The following PUS7L variants were observed in gnomAD, a reference collection of about 807,000 sequenced individuals.
The protein encoded by PUS7L is pseudouridylate synthase PUS7L.
In PUS7L, 49 loss-of-function variants were observed where a neutral mutation model predicts 51.1. That is an observed-to-expected ratio of 0.96 (90% confidence interval 0.76 to 1.22). PUS7L has a LOEUF of 1.22. PUS7L is among the 50% of genes most tolerant of loss of function. The pLI, the probability that PUS7L is intolerant of heterozygous loss-of-function variation, is 0.00. For missense variants in PUS7L, 828 were observed against 820.6 expected (o/e 1.01, Z -0.11); for synonymous variants, 277 against 276.2 (o/e 1.00, Z -0.03).
chr12:43,742,906 C>A (rs1320845669), intron 4 of PUS7L, among the ~76,000 whole-genome samples: 1 of 152,200 alleles, frequency 6.6e-6, no homozygotes, highest in Non-Finnish European at 1.5e-5. Context: ...CTGATCCCTA[C>A]TCTGATGCTC....
At position 43,755,254 on chromosome 12, in the gene PUS7L, A is replaced by C; in HGVS notation, c.-9T>G. 6.4e-7 allele frequency: 1 copy of C among 1,553,814 alleles called. No homozygotes were observed. Among genetic ancestry groups the C allele is most frequent in the South Asian group, 1.2e-5 (1 of 81,318 alleles). ...TCTGTATCTTCTTCCATTCTTCTAT[A>C]ACAGTGCCTAGAAAACAAAACAAAG... On this transcript the variant is annotated 5_prime_UTR_variant, in exon 2 of 9. Transcript: ENST00000344862.
intron 6 of PUS7L, chr12:43,737,968 T>C (rs1410191143): frequency 4.9e-6 from 1 of 202,858 alleles, no homozygotes; most frequent in Non-Finnish European, 1.0e-5. Flanking sequence ...CTTTTATTTA[T>C]TTGTGTTTGT....
Position 43,754,421 on chromosome 12 carries a change from C to T in PUS7L, c.825G>A (p.Val275=), listed in dbSNP as rs202044641. The change falls in exon 2 of 9, where the codon GTG becomes GTA. Residue 275 remains valine, a synonymous_variant. Transcript: ENST00000344862. The part of the protein sequence containing the change: ...MNCSAGNPNV[V]VTVRFREKAH... Reference sequence around the variant, plus strand: ...CTTTTTCCCGAAATCTTACTGTTACCACCACATTCGGATTACCAGCACTGC... The same window carrying T: ...CTTTTTCCCGAAATCTTACTGTTACTACCACATTCGGATTACCAGCACTGC... The T allele has an allele frequency of 3.7e-6, 6 of 1,613,170 alleles. No homozygotes were observed. The African/African-American group carries it at 8.0e-5, about 22-fold the overall frequency.
rs948182264 is a variant in PUS7L, at chr12:43,729,262, G to A, written c.*1114C>T. ...GCATATAGCTTCTCTTCCTTCTTTT[G>A]GATTTTATTTCCTAATGCTAACATT... On this transcript the variant is annotated 3_prime_UTR_variant, in exon 9 of 9. Transcript: ENST00000344862. 9 of 397,228 alleles carry A rather than the reference G, an allele frequency of 2.3e-5. No homozygotes were observed. The highest frequency in any genetic ancestry group is 3.5e-5 in the Non-Finnish European group (8 of 225,382). 24.6% of individuals were successfully genotyped at this position (397,228 alleles called of 1,614,324 possible). A position where few individuals can be genotyped will look rare whatever the true frequency, so the allele number is the denominator to read the frequency against.
chr12:43,738,383 G>A lies in PUS7L; in HGVS notation c.1371C>T (p.Ala457=). Reference sequence around the variant, plus strand: ...CTTCTGGTGTAAGAAACAATTTTATGGCTTTCATCTTAAAAAATCAAGCAG... The same window carrying A: ...CTTCTGGTGTAAGAAACAATTTTATAGCTTTCATCTTAAAAAATCAAGCAG... ...LALLKNEMMK[A]IKLFLTPEDL... is the part of the protein sequence containing the mutation. Residue 457 remains alanine, a synonymous_variant, in exon 6 of 9, where the codon GCC becomes GCT. Coordinates refer to ENST00000344862, the MANE Select transcript of PUS7L (RefSeq NM_031292.5). 1.3e-6 allele frequency: 2 copies of A among 1,564,110 alleles called. No individual in the cohort carries two copies. Among genetic ancestry groups the A allele is most frequent in the South Asian group, 1.1e-5 (1 of 88,838 alleles).
chr12:43,754,498 T>G lies in PUS7L; in HGVS notation c.748A>C (p.Asn250His). ...DHRKAVHHFVNKKFGNLVETK... is the reference protein window; with the variant it reads ...DHRKAVHHFVHKKFGNLVETK... ...TCCACAAGGTTTCCAAACTTTTTGT[T>G]GACAAAATGGTGGACAGCTTTTCTG... Residue 250 changes from asparagine (N) to histidine (H), a missense_variant, in exon 2 of 9, where the codon AAC (asparagine) becomes CAC (histidine). Asn to His is a moderately conservative substitution (Grantham distance 68). Coordinates refer to ENST00000344862, the MANE Select transcript of PUS7L (RefSeq NM_031292.5). 1.2e-6 allele frequency: 2 copies of G among 1,613,900 alleles called. No individual in the cohort carries two copies. The highest frequency in any genetic ancestry group is 2.2e-5 in the South Asian group (2 of 91,034).
At chr12:43,743,897 C>G (rs1295885154) in intron 4 of PUS7L, among the ~76,000 whole-genome samples, 1 of 151,842 alleles carries the variant, frequency 6.6e-6, no homozygotes, top group Non-Finnish European at 1.5e-5. Flanking sequence ...TTAAATTAAC[C>G]CTTCAAAGTA....
rs560378354 is a variant in PUS7L at position 43,745,724 on chromosome 12, C to T, written c.1263+322G>A. On this transcript the variant is annotated intron_variant, in intron 4 of 8. Transcript: ENST00000344862. ...ATTTCCAAACAATAAATTCCCCTGA[C>T]TAAATACTACTCTATATAGCAGATG... Among the ~76,000 whole-genome samples the T allele has an allele frequency of 5.4e-5, 8 of 147,756 alleles. No individual in the cohort carries two copies. The Admixed American group carries it at 5.4e-4, about 10-fold the overall frequency.
At chr12:43,752,373 ACCTAG>A (rs1354297780) in intron 2 of PUS7L, among the ~76,000 whole-genome samples, 1 of 152,178 alleles carries the variant, frequency 6.6e-6, no homozygotes, top group Non-Finnish European at 1.5e-5. Context: ...TACTTTTATG[ACCTAG>A]CCTCAGAAGT....
Position 43,721,663 on chromosome 12 carries a change from T to C in PUS7L, c.*8713A>G, listed in dbSNP as rs1944398223. On this transcript the variant is annotated 3_prime_UTR_variant, in exon 9 of 9. Transcript: ENST00000344862. ...GTACAATACAATGTGAGCCATGAGA[T>C]GGTAGAGAACTATACAAAAGGCTAT... 1 of 152,096 alleles carries C rather than the reference T, an allele frequency of 6.6e-6. No homozygotes were observed. The highest frequency in any genetic ancestry group is 2.4e-5 in the African/African-American group (1 of 41,414). 9.4% of individuals were successfully genotyped at this position (152,096 alleles called of 1,614,324 possible). A position where few individuals can be genotyped will look rare whatever the true frequency, so the allele number is the denominator to read the frequency against.
intron 2 of PUS7L, among the ~76,000 whole-genome samples, chr12:43,752,997 A>G (rs936967811): frequency 9.3e-5 from 14 of 151,212 alleles, no homozygotes; most frequent in Non-Finnish European, 5.9e-5. Context: ...AATTTAAACT[A>G]ATATATAAAG....
Position 43,727,064 on chromosome 12 carries a change from G to A in PUS7L, c.*3312C>T, listed in dbSNP as rs1402134001. The A allele has an allele frequency of 2.6e-5, 4 of 152,072 alleles. No homozygotes were observed. Among genetic ancestry groups the A allele is most frequent in the African/African-American group, 7.2e-5 (3 of 41,402 alleles). 9.4% of individuals were successfully genotyped at this position (152,072 alleles called of 1,614,324 possible). Reference sequence around the variant, plus strand: ...ACACTTCTCAAAAGAAGACATCCATGGGCCAAAAGCATATGAAAAAATGCT... The same window carrying A: ...ACACTTCTCAAAAGAAGACATCCATAGGCCAAAAGCATATGAAAAAATGCT... On this transcript the variant is annotated 3_prime_UTR_variant, in exon 9 of 9. Transcript: ENST00000344862.
intron 3 of PUS7L, 27 bp downstream of exon 3, chr12:43,748,423 T>C (rs2137733296): frequency 1.3e-6 from 2 of 1,521,454 alleles, no homozygotes; most frequent in Non-Finnish European, 1.8e-6. Flanking sequence ...AAAGTTTCTA[T>C]CCTAAAATTT....
chr12:43,756,905 C>T (rs1482113144), intron 1 of PUS7L, among the ~76,000 whole-genome samples: 1 of 152,176 alleles, frequency 6.6e-6, no homozygotes, highest in Non-Finnish European at 1.5e-5. Context: ...GTTTAAAACC[C>T]TCTAGTCACA....
At chr12:43,734,804 G>A (rs1415473035) in intron 7 of PUS7L, among the ~76,000 whole-genome samples, 3 of 152,152 alleles carry the variant, frequency 2.0e-5, no homozygotes, top group Non-Finnish European at 4.4e-5. Context: ...TTAAAAAAGA[G>A]TGTCTCTAAA....
At chr12:43,752,566 A>T (rs1055206443) in intron 2 of PUS7L, among the ~76,000 whole-genome samples, 2 of 152,246 alleles carry the variant, frequency 1.3e-5, no homozygotes, top group African/African-American at 4.8e-5. Context: ...AAGGGAAGGA[A>T]ATTCTAACAC....
At chr12:43,738,664 T>G (rs1431554639) in intron 5 of PUS7L, among the ~76,000 whole-genome samples, 3 of 152,182 alleles carry the variant, frequency 2.0e-5, no homozygotes, top group East Asian at 1.9e-4. Flanking sequence ...TTTTGTCATT[T>G]TTTTTAAATA....
intron 5 of PUS7L, among the ~76,000 whole-genome samples, chr12:43,741,888 A>T (rs1312476519): frequency 6.6e-6 from 1 of 152,172 alleles, no homozygotes; most frequent in African/African-American, 2.4e-5. Context: ...CAAATATATA[A>T]TTTTTATAGT....
In PUS7L at chr12:43,726,856, CTAAT is replaced by C. The variant is rs953264147; in HGVS notation, c.*3516_*3519del. On this transcript the variant is annotated 3_prime_UTR_variant, in exon 9 of 9. Coordinates refer to ENST00000344862, the MANE Select transcript of PUS7L (RefSeq NM_031292.5). ...AAAAAAAAAAATTGACAAGTGGGAC[CTAAT>C]TAAACTAAATAGCTTCTGCACAGCC... 2.0e-5 allele frequency: 3 copies of C among 151,636 alleles called. No homozygotes were observed. Among genetic ancestry groups the C allele is most frequent in the Non-Finnish European group, 2.9e-5 (2 of 67,906 alleles). The allele number at this position is 151,636 out of a possible 1,614,324, so 9.4% of individuals were successfully genotyped here. A position where few individuals can be genotyped will look rare whatever the true frequency, so the allele number is the denominator to read the frequency against.
Sources: allele counts gnomAD v4.1 joint callset (sites outside exome capture counted in the v4.1 genomes callset), GRCh38; gene constraint gnomAD v4.1.1; transcripts MANE v1.5; gene names NCBI Gene and HGNC (gene_info 2026-07-23, HGNC 2026-07-21).